The following FAF1 variants were observed in gnomAD, a reference collection of about 807,000 sequenced individuals.
FAF1 encodes the protein Fas associated factor 1.
A neutral mutation model predicts 92.5 loss-of-function variants in FAF1; 25 were observed. The ratio of observed to expected loss-of-function variants is 0.27; its 90% CI spans 0.20 to 0.38. The LOEUF is 0.38. Among genes scored for constraint, FAF1 ranks in the 10% least tolerant of loss-of-function variants. FAF1 has a pLI of 1.00. For missense variants in FAF1, 636 were observed against 793.3 expected (o/e 0.80, Z 2.38); for synonymous variants, 234 against 273.2 (o/e 0.86, Z 1.42).
intron 18 of FAF1, among the ~76,000 whole-genome samples, chr1:50,471,757 A>G (rs1346487152): frequency 6.6e-6 from 1 of 152,040 alleles, no homozygotes; most frequent in Non-Finnish European, 1.5e-5. Flanking sequence ...CTCCTTTCCT[A>G]GTGCTTTCCA....
intron 9 of FAF1, among the ~76,000 whole-genome samples, chr1:50,589,831 A>G (rs557531668): frequency 6.6e-6 from 1 of 152,174 alleles, no homozygotes; most frequent in East Asian, 1.9e-4. Context: ...TAGGTCTTTC[A>G]TATATTTTGA....
chr1:50,843,685 C>T (rs1644275155), intron 2 of FAF1, among the ~76,000 whole-genome samples: 2 of 151,942 alleles, frequency 1.3e-5, no homozygotes, highest in South Asian at 4.2e-4. Context: ...CCGTTCTACC[C>T]ATGTTGCTGT....
At chr1:50,958,740 G>C (rs866937409) in intron 1 of FAF1, among the ~76,000 whole-genome samples, 52 of 151,262 alleles carry the variant, frequency 3.4e-4, no homozygotes, top group African/African-American at 1.2e-3. Context: ...CAGAGAGAGA[G>C]AAAAGCCCAA....
intron 6 of FAF1, among the ~76,000 whole-genome samples, chr1:50,725,440 A>G (rs1658608846): frequency 6.6e-6 from 1 of 152,174 alleles, no homozygotes; most frequent in South Asian, 2.1e-4. Context: ...TTCCAAGGAC[A>G]AAAACAAAAA....
At position 50,736,932 on chromosome 1, in the gene FAF1, A is replaced by ATATAT. The variant is rs1156291341; in HGVS notation, c.551+1930_551+1931insATATA. On this transcript the variant is annotated intron_variant, in intron 6 of 18. Coordinates refer to ENST00000396153, the MANE Select transcript of FAF1 (RefSeq NM_007051.3). The stretch of plus-strand genomic sequence containing the variant: ...GCTTTCAATATATATGCTATTTTAA[A>ATATAT]AATCTCTAGTTTTATAGAAAGATAC... 3.5e-4 allele frequency among the ~76,000 whole-genome samples: 53 copies of ATATAT among 152,320 alleles called. 1 individual carries two copies. The East Asian group carries it at 0.01, about 29-fold the overall frequency.
chr1:50,708,447 A>T (rs1569809007), intron 6 of FAF1, among the ~76,000 whole-genome samples: 1 of 152,056 alleles, frequency 6.6e-6, no homozygotes, highest in African/African-American at 2.4e-5. Context: ...GGTGAGGTGG[A>T]GAAATTGAGA....
intron 13 of FAF1, among the ~76,000 whole-genome samples, chr1:50,556,161 C>T (rs564276038): frequency 2.0e-5 from 3 of 150,106 alleles, no homozygotes; most frequent in South Asian, 2.1e-4. Context: ...TGGCGTGAAC[C>T]CAGGAGGCGG....
intron 1 of FAF1, among the ~76,000 whole-genome samples, chr1:50,885,189 A>G (rs1192969181): frequency 1.3e-5 from 2 of 151,962 alleles, no homozygotes; most frequent in South Asian, 2.1e-4. Context: ...ATTTGTCAAT[A>G]TTGTTTATCT....
At chr1:50,481,214 C>CTAGTGTGGCCT (rs1553217768) in intron 17 of FAF1, among the ~76,000 whole-genome samples, 2 of 152,016 alleles carry the variant, frequency 1.3e-5, no homozygotes, top group African/African-American at 4.8e-5. Context: ...AAAAGTAAAC[C>CTAGTGTGGCCT]TAGTGTGGCC....
At chr1:50,801,931 C>T (rs143286402) in intron 2 of FAF1, among the ~76,000 whole-genome samples, 15 of 152,264 alleles carry the variant, frequency 9.9e-5, no homozygotes, top group Admixed American at 3.3e-4. Flanking sequence ...TCTAGTTCCA[C>T]AGTTCTGATT....
chr1:50,840,457 CA>C (rs1644246699), intron 2 of FAF1, among the ~76,000 whole-genome samples: 1 of 151,524 alleles, frequency 6.6e-6, no homozygotes, highest in Non-Finnish European at 1.5e-5. Context: ...GATACTTCAC[CA>C]AAGGAAAAAA....
At chr1:50,919,125 T>C (rs1644942967) in intron 1 of FAF1, among the ~76,000 whole-genome samples, 1 of 152,198 alleles carries the variant, frequency 6.6e-6, no homozygotes, top group African/African-American at 2.4e-5. Context: ...CAAAATGTTT[T>C]TAAATACCCA....
chr1:50,957,993 G>A (rs966337929), intron 1 of FAF1, among the ~76,000 whole-genome samples: 1 of 152,106 alleles, frequency 6.6e-6, no homozygotes, highest in Non-Finnish European at 1.5e-5. Context: ...ACAAAAAGAC[G>A]ATGATGAAAA....
At chr1:50,706,260 T>C (rs1006847444) in intron 6 of FAF1, among the ~76,000 whole-genome samples, 4 of 152,210 alleles carry the variant, frequency 2.6e-5, no homozygotes, top group Non-Finnish European at 4.4e-5. Flanking sequence ...TCTGGTTCAA[T>C]TCCAAGTGAA....
intron 6 of FAF1, among the ~76,000 whole-genome samples, chr1:50,716,433 T>C (rs1011905820): frequency 3.3e-5 from 5 of 152,154 alleles, no homozygotes; most frequent in African/African-American, 1.2e-4. Flanking sequence ...AAAGATTAAT[T>C]CATACTGAGA....
chr1:50,942,279 T>A (rs562484357), intron 1 of FAF1, among the ~76,000 whole-genome samples: 14 of 152,336 alleles, frequency 9.2e-5, no homozygotes, highest in Non-Finnish European at 1.9e-4. Context: ...AGTGGGCAGA[T>A]CGCTTGAGCC....
At chr1:50,766,168 C>T (rs918712416) in intron 4 of FAF1, among the ~76,000 whole-genome samples, 1 of 152,052 alleles carries the variant, frequency 6.6e-6, no homozygotes, top group Non-Finnish European at 1.5e-5. Context: ...TACCCAGAAG[C>T]AACAAAACAT....
intron 6 of FAF1, among the ~76,000 whole-genome samples, chr1:50,730,484 T>G (rs1658870590): frequency 6.6e-6 from 1 of 152,128 alleles, no homozygotes; most frequent in Non-Finnish European, 1.5e-5. Context: ...TCTTTAATCT[T>G]TCTTTCTATT....
intron 9 of FAF1, among the ~76,000 whole-genome samples, chr1:50,592,899 CTG>C (rs1362705699): frequency 6.7e-6 from 1 of 149,376 alleles, no homozygotes; most frequent in African/African-American, 2.5e-5. Context: ...GATTGTGCCA[CTG>C]TACTTCAGCC....
Sources: gnomAD v4.1 joint callset for allele counts (sites outside exome capture counted in the v4.1 genomes callset) on GRCh38, gnomAD v4.1.1 for gene constraint, MANE v1.5 for transcripts, NCBI Gene and HGNC (gene_info 2026-07-23, HGNC 2026-07-21) for gene names.